Variants in ACSBG2 observed in about 807,000 individuals in gnomAD.
ACSBG2 encodes the protein long-chain-fatty-acid--CoA ligase ACSBG2.
ACSBG2 carries 62 observed loss-of-function variants against 74.7 expected under a neutral mutation model. The observed-to-expected ratio is 0.83, with a 90% CI of 0.68 to 1.03. The LOEUF (loss-of-function observed/expected upper bound fraction) is 1.03. Among genes scored for constraint, ACSBG2 ranks in the 50% least tolerant of loss-of-function variants. ACSBG2 has a pLI of 0.00. For synonymous variants in ACSBG2, 309 were observed against 294.1 expected (o/e 1.05, Z -0.52); for missense variants, 730 against 817.6 (o/e 0.89, Z 1.31).
intron 2 of ACSBG2, among the ~76,000 whole-genome samples, chr19:6,143,937 A>G (rs190882049): frequency 1.9e-3 from 288 of 151,438 alleles, no homozygotes; most frequent in Non-Finnish European, 2.8e-3. Flanking sequence ...GAATAGGATC[A>G]TTGAAGTAAT....
intron 7 of ACSBG2, among the ~76,000 whole-genome samples, chr19:6,167,177 C>G (rs772745516): frequency 2.0e-5 from 3 of 152,200 alleles, no homozygotes; most frequent in Admixed American, 6.5e-5. Context: ...CCCTGCCCCC[C>G]CTCAGCCTAG....
Position 6,156,546 on chromosome 19 carries a change from C to T in ACSBG2, c.502C>T (p.Leu168Phe). The change falls in exon 5 of 15, where the codon CTT becomes TTT. Residue 168 changes from leucine (L) to phenylalanine (F), a missense_variant. By Grantham distance (22) the Leu-to-Phe change is conservative. Coordinates refer to ENST00000588485, the MANE Select transcript of ACSBG2 (RefSeq NM_030924.5). Reference sequence around the variant, plus strand: ...GAATGATCAACAGTTACAGAAAATCCTTTCGGTAAACCCCTACCCAGCACT... The same window carrying T: ...GAATGATCAACAGTTACAGAAAATCTTTTCGGTAAACCCCTACCCAGCACT... ...VENDQQLQKILSIPQSSLEPL... is the reference protein window; with the variant it reads ...VENDQQLQKIFSIPQSSLEPL... The T allele has an allele frequency of 6.4e-7, 1 of 1,574,290 alleles. No individual in the cohort carries two copies. The highest frequency in any genetic ancestry group is 8.6e-7 in the Non-Finnish European group (1 of 1,158,120).
intron 8 of ACSBG2, among the ~76,000 whole-genome samples, chr19:6,178,122 G>T (rs182599686): frequency 1.4e-4 from 21 of 151,970 alleles, no homozygotes; most frequent in Admixed American, 1.4e-3. Context: ...TTGTGGTGAG[G>T]ATTTAGCTCC....
At chr19:6,164,434 C>CA (rs761042334) in intron 6 of ACSBG2, among the ~76,000 whole-genome samples, 6 of 133,876 alleles carry the variant, frequency 4.5e-5, no homozygotes, top group African/African-American at 1.7e-4. Context: ...TTTGAGGGGC[C>CA]TTTTTTTTTT....
rs191451533 is a variant in ACSBG2, at chr19:6,136,693, A to G, written c.-32+784A>G. 6.6e-5 allele frequency among the ~76,000 whole-genome samples: 10 copies of G among 152,274 alleles called. 1 individual carries two copies. Among genetic ancestry groups the G allele is most frequent in the African/African-American group, 2.4e-4 (10 of 41,566 alleles). On this transcript the variant is annotated intron_variant, in intron 1 of 14. Coordinates refer to ENST00000588485, the MANE Select transcript of ACSBG2 (RefSeq NM_030924.5). ...ATGGCCTTTTAAAATTGTGAAACAT[A>G]TAATGCATATAAAATAACACAAAGC...
At chr19:6,151,361 G>A (rs2089233998) in intron 3 of ACSBG2, among the ~76,000 whole-genome samples, 1 of 152,096 alleles carries the variant, frequency 6.6e-6, no homozygotes, top group African/African-American at 2.4e-5. Flanking sequence ...AGGATGGAGT[G>A]CAGTGGTGCA....
chr19:6,177,676 CA>C (rs1464593596), intron 8 of ACSBG2, among the ~76,000 whole-genome samples: 2 of 151,890 alleles, frequency 1.3e-5, no homozygotes, highest in African/African-American at 4.8e-5. Context: ...CCTATCTCTA[CA>C]AAAACCAATA....
intron 3 of ACSBG2, among the ~76,000 whole-genome samples, chr19:6,148,778 G>A (rs989790681): frequency 2.0e-4 from 31 of 152,118 alleles, no homozygotes; most frequent in African/African-American, 7.0e-4. Flanking sequence ...TCTTAGTTCC[G>A]TGGAGTTAAA....
At chr19:6,188,957 T>C (rs1158148890) in intron 13 of ACSBG2, among the ~76,000 whole-genome samples, 2 of 152,202 alleles carry the variant, frequency 1.3e-5, no homozygotes, top group Admixed American at 6.5e-5. Context: ...ATGCTTAATA[T>C]GTTATCTGTA....
chr19:6,153,232 C>T lies in ACSBG2; in HGVS notation c.386+1437C>T, dbSNP rs772801421. On this transcript the variant is annotated intron_variant, in intron 4 of 14. Coordinates refer to ENST00000588485, the MANE Select transcript of ACSBG2 (RefSeq NM_030924.5). ...CTGCACTCCAGCCTGGGCGACAGAGCGAGACTCCATCTCAAAAAAACAAAA... is the reference window on the plus strand; with the variant it reads ...CTGCACTCCAGCCTGGGCGACAGAGTGAGACTCCATCTCAAAAAAACAAAA... Among the ~76,000 whole-genome samples the T allele has an allele frequency of 4.0e-5, 6 of 151,896 alleles. No homozygotes were observed. In the South Asian group the frequency reaches 6.3e-4, roughly 16 times the overall value.
At chr19:6,181,078 G>C (rs2090234976) in intron 8 of ACSBG2, among the ~76,000 whole-genome samples, 1 of 150,460 alleles carries the variant, frequency 6.6e-6, no homozygotes, top group Admixed American at 6.6e-5. Flanking sequence ...AGAAAAATTA[G>C]CCAGGCGTGG....
intron 6 of ACSBG2, 117 bp downstream of exon 6, chr19:6,161,412 A>G (rs1568233145): frequency 5.4e-6 from 5 of 920,166 alleles, no homozygotes; most frequent in Admixed American, 2.2e-5. Context: ...AAGGGTGGGA[A>G]CTCTCAAAGG....
chr19:6,166,428 C>T (rs2145150752), intron 7 of ACSBG2, among the ~76,000 whole-genome samples: 1 of 151,840 alleles, frequency 6.6e-6, no homozygotes, highest in Admixed American at 6.6e-5. Flanking sequence ...ATTTTCCTGC[C>T]TCAGCCTCCC....
intron 1 of ACSBG2, among the ~76,000 whole-genome samples, chr19:6,139,667 C>T (rs2088743260): frequency 6.6e-6 from 1 of 152,190 alleles, no homozygotes; most frequent in African/African-American, 2.4e-5. Context: ...TCCCTGAAAG[C>T]CACTAGAAAA....
At chr19:6,139,093 T>A (rs1022396591) in intron 1 of ACSBG2, among the ~76,000 whole-genome samples, 5 of 12,344 alleles carry the variant, frequency 4.1e-4, no homozygotes, top group African/African-American at 2.7e-3. Context: ...ATTAAACTTA[T>A]TTTTTTTTTT....
At chr19:6,168,831 TAC>T (rs2089886834) in intron 7 of ACSBG2, among the ~76,000 whole-genome samples, 1 of 152,122 alleles carries the variant, frequency 6.6e-6, no homozygotes, top group African/African-American at 2.4e-5. Flanking sequence ...CAGGCTGGAG[TAC>T]AGTGACACTA....
At chr19:6,185,675 G>A in intron 11 of ACSBG2, 22 bp downstream of exon 11, 1 of 1,612,974 alleles carries the variant, frequency 6.2e-7, no homozygotes, top group Non-Finnish European at 8.5e-7. Context: ...TGAGCTCTTT[G>A]GGAATCTCCT....
At chr19:6,168,693 A>C (rs1026780573) in intron 7 of ACSBG2, among the ~76,000 whole-genome samples, 6 of 152,234 alleles carry the variant, frequency 3.9e-5, no homozygotes, top group Non-Finnish European at 5.9e-5. Context: ...TTATGAGCAT[A>C]GATCCTGGAG....
At chr19:6,184,922 GT>G (rs1267718723) in intron 10 of ACSBG2, among the ~76,000 whole-genome samples, 1 of 104,272 alleles carries the variant, frequency 9.6e-6, no homozygotes, top group African/African-American at 3.6e-5. Flanking sequence ...TTTTGTTTTT[GT>G]TTTTGTTTTT....
Sources: gnomAD v4.1 joint callset for allele counts (sites outside exome capture counted in the v4.1 genomes callset) on GRCh38, gnomAD v4.1.1 for gene constraint, MANE v1.5 for transcripts, NCBI Gene and HGNC (gene_info 2026-07-23, HGNC 2026-07-21) for gene names.